HIBADH: variants seen among roughly 807,000 people sequenced by gnomAD.
HIBADH encodes the protein 3-hydroxyisobutyrate dehydrogenase, mitochondrial.
In HIBADH, 25 loss-of-function variants were observed where a neutral mutation model predicts 36.1. The observed-to-expected ratio is 0.69, with a 90% CI of 0.50 to 0.97. The LOEUF (loss-of-function observed/expected upper bound fraction) is 0.97, where lower values mean the gene tolerates loss of function less well. Among genes scored for constraint, HIBADH ranks in the 50% least tolerant of loss-of-function variants. The pLI, the probability that HIBADH is intolerant of heterozygous loss-of-function variation, is 0.00. For missense variants in HIBADH, 421 were observed against 418.0 expected (o/e 1.01, Z -0.06); for synonymous variants, 160 against 149.5 (o/e 1.07, Z -0.51).
At chr7:27,648,850 G>C (rs1046341978) in intron 2 of HIBADH, among the ~76,000 whole-genome samples, 3 of 152,136 alleles carry the variant, frequency 2.0e-5, no homozygotes, top group Non-Finnish European at 4.4e-5. Flanking sequence ...CTTCATTATA[G>C]GACATAGTGT....
chr7:27,627,239 G>A (rs1785664368), intron 4 of HIBADH, among the ~76,000 whole-genome samples: 1 of 152,156 alleles, frequency 6.6e-6, no homozygotes, highest in East Asian at 1.9e-4. Flanking sequence ...AATTCCAGCA[G>A]AATGGCTGAA....
intron 4 of HIBADH, among the ~76,000 whole-genome samples, chr7:27,566,890 TAAAG>T (rs1784555236): frequency 1.3e-5 from 2 of 152,172 alleles, no homozygotes; most frequent in Non-Finnish European, 2.9e-5. Flanking sequence ...TCTTTATGAT[TAAAG>T]AATACATTTT....
At chr7:27,530,458 C>T (rs1427817017) in intron 7 of HIBADH, among the ~76,000 whole-genome samples, 3 of 152,076 alleles carry the variant, frequency 2.0e-5, no homozygotes, top group South Asian at 2.1e-4. Context: ...CTGCCCTCCT[C>T]GGCCTCCCAA....
intron 1 of HIBADH, among the ~76,000 whole-genome samples, chr7:27,658,020 T>A (rs1786338281): frequency 6.6e-6 from 1 of 152,186 alleles, no homozygotes; most frequent in Non-Finnish European, 1.5e-5. Flanking sequence ...TGCCCCTTTT[T>A]GCCTAGTGGG....
intron 4 of HIBADH, among the ~76,000 whole-genome samples, chr7:27,589,867 G>C (rs1238051190): frequency 6.6e-6 from 1 of 152,142 alleles, no homozygotes; most frequent in Non-Finnish European, 1.5e-5. Flanking sequence ...TTGGAGTCCT[G>C]AATCCAAATC....
rs113031049 is a variant in HIBADH at position 27,544,814 on chromosome 7, A to G, written c.485-1714T>C. On this transcript the variant is annotated intron_variant, in intron 4 of 7. Transcript: ENST00000265395. ...TATTTAAAAAAAATTAATGCTGACA[A>G]TGGTTCTCAGCTGGTTAGTCTTTTG... 7.9e-5 allele frequency among the ~76,000 whole-genome samples: 12 copies of G among 152,358 alleles called. 1 individual carries two copies. The highest frequency in any genetic ancestry group is 2.9e-4 in the African/African-American group (12 of 41,594).
chr7:27,640,474 G>A (rs1228003381), intron 2 of HIBADH, among the ~76,000 whole-genome samples: 2 of 152,178 alleles, frequency 1.3e-5, no homozygotes, highest in Non-Finnish European at 1.5e-5. Flanking sequence ...AGGCTGCAGT[G>A]AGCCATGATC....
chr7:27,545,184 T>C (rs1279463104), intron 4 of HIBADH, among the ~76,000 whole-genome samples: 3 of 152,214 alleles, frequency 2.0e-5, no homozygotes, highest in African/African-American at 7.2e-5. Flanking sequence ...CTCACATCTG[T>C]AATCCCAGCA....
intron 4 of HIBADH, among the ~76,000 whole-genome samples, chr7:27,559,554 C>G (rs1481167865): frequency 6.6e-6 from 1 of 152,056 alleles, no homozygotes; most frequent in Non-Finnish European, 1.5e-5. Flanking sequence ...ATCACTTGAG[C>G]CCAGGAGGTT....
chr7:27,644,762 TAA>T (rs769062186), intron 2 of HIBADH, among the ~76,000 whole-genome samples: 151 of 142,344 alleles, frequency 1.1e-3, no homozygotes, highest in Admixed American at 2.7e-3. Context: ...AGACTCCATT[TAA>T]AAAAAAAAAA....
intron 1 of HIBADH, among the ~76,000 whole-genome samples, chr7:27,662,370 G>A (rs1786440571): frequency 6.6e-6 from 1 of 152,046 alleles, no homozygotes; most frequent in Non-Finnish European, 1.5e-5. Flanking sequence ...AAACGTCCTC[G>A]GAGTCCTAAC....
At chr7:27,560,412 C>T (rs1354091670) in intron 4 of HIBADH, among the ~76,000 whole-genome samples, 1 of 152,228 alleles carries the variant, frequency 6.6e-6, no homozygotes, top group East Asian at 1.9e-4. Flanking sequence ...AGCCACTGCA[C>T]TCAGCCTTTT....
intron 4 of HIBADH, among the ~76,000 whole-genome samples, chr7:27,582,846 C>T (rs1278572610): frequency 1.3e-5 from 2 of 152,086 alleles, no homozygotes; most frequent in Non-Finnish European, 2.9e-5. Context: ...ATTAGCTCTA[C>T]CTCTACAAAT....
intron 1 of HIBADH, among the ~76,000 whole-genome samples, chr7:27,651,900 G>A (rs1322015475): frequency 6.6e-6 from 1 of 152,146 alleles, no homozygotes; most frequent in East Asian, 1.9e-4. Context: ...TGAGGAATGT[G>A]GCATCTGACC....
intron 4 of HIBADH, among the ~76,000 whole-genome samples, chr7:27,561,614 T>C (rs1784469434): frequency 6.6e-6 from 1 of 152,170 alleles, no homozygotes. Context: ...TATGAGGTTC[T>C]ACATGTGTCC....
Position 27,652,804 on chromosome 7 carries a change from G to A in HIBADH, c.92-3171C>T, listed in dbSNP as rs572890016. Among the ~76,000 whole-genome samples the A allele has an allele frequency of 5.3e-5, 8 of 152,184 alleles. No homozygotes were observed. The South Asian group carries it at 1.7e-3, about 32-fold the overall frequency. ...CCGCATGATCTAATTGCCTCCCAAA[G>A]GGCCTAGCTCCTAATATCATTATAT... On this transcript the variant is annotated intron_variant, in intron 1 of 7. Coordinates refer to ENST00000265395, the MANE Select transcript of HIBADH (RefSeq NM_152740.4).
At chr7:27,563,322 G>C (rs1053284510) in intron 4 of HIBADH, among the ~76,000 whole-genome samples, 1 of 152,184 alleles carries the variant, frequency 6.6e-6, no homozygotes, top group African/African-American at 2.4e-5. Flanking sequence ...GGATTTTTAA[G>C]TCGTTTTCAG....
chr7:27,652,776 T>C (rs1432372121), intron 1 of HIBADH, among the ~76,000 whole-genome samples: 1 of 152,180 alleles, frequency 6.6e-6, no homozygotes, highest in Non-Finnish European at 1.5e-5. Context: ...ACAGGAGCTC[T>C]ATCCGCATGA....
At chr7:27,530,986 T>C (rs577161633) in intron 7 of HIBADH, among the ~76,000 whole-genome samples, 7 of 152,248 alleles carry the variant, frequency 4.6e-5, no homozygotes, top group African/African-American at 1.4e-4. Flanking sequence ...TGGCCCATTC[T>C]TCTCAACCAA....
Sources: gnomAD v4.1 joint callset for allele counts (sites outside exome capture counted in the v4.1 genomes callset) on GRCh38, gnomAD v4.1.1 for gene constraint, MANE v1.5 for transcripts, NCBI Gene and HGNC (gene_info 2026-07-23, HGNC 2026-07-21) for gene names.